CHST4: variants seen among roughly 807,000 people sequenced by gnomAD.
The protein encoded by CHST4 is GST-3.
For synonymous variants in CHST4, 171 were observed against 195.5 expected (o/e 0.87, Z 1.05); for missense variants, 466 against 506.0 (o/e 0.92, Z 0.76).
chr16:71,538,072 T>C lies in CHST4; in HGVS notation c.*234T>C, dbSNP rs1243592830. ...CACATCCCACCAGTGAAACAGGGTA[T>C]TGCTCTTCTTCTTTTCTTGATCTTC... On this transcript the variant is annotated 3_prime_UTR_variant, in exon 2 of 2. Transcript: ENST00000539698. 1 of 558,026 alleles carries C rather than the reference T, an allele frequency of 1.8e-6. No homozygotes were observed. The highest frequency in any genetic ancestry group is 1.9e-5 in the African/African-American group (1 of 53,048). The allele number at this position is 558,026 out of a possible 1,614,324, so 34.6% of individuals were successfully genotyped here. A position where few individuals can be genotyped will look rare whatever the true frequency, so the allele number is the denominator to read the frequency against.
intron 1 of CHST4, among the ~76,000 whole-genome samples, chr16:71,533,024 AT>A (rs1021633470): frequency 5.9e-5 from 9 of 151,920 alleles, no homozygotes; most frequent in South Asian, 2.1e-4. Flanking sequence ...ATAACTTGAA[AT>A]TTTTTTTTGA....
chr16:71,532,233 G>A (rs943272148), intron 1 of CHST4, among the ~76,000 whole-genome samples: 4 of 152,014 alleles, frequency 2.6e-5, no homozygotes, highest in African/African-American at 9.7e-5. Context: ...ATTTTTAGTA[G>A]AGACGGGGTT....
intron 1 of CHST4, among the ~76,000 whole-genome samples, chr16:71,532,075 T>G (rs1597035947): frequency 7.6e-6 from 1 of 132,102 alleles, no homozygotes; most frequent in Non-Finnish European, 1.6e-5. Context: ...TGAGATGGAG[T>G]CTCGCTCTGT....
chr16:71,528,249 CAAAAAAAAA>C (rs10716662), intron 1 of CHST4, among the ~76,000 whole-genome samples: 4 of 109,322 alleles, frequency 3.7e-5, no homozygotes, highest in African/African-American at 7.3e-5. Flanking sequence ...GACTTCATTT[CAAAAAAAAA>C]AAAAAAAAAA....
At chr16:71,535,484 A>AT (rs1267733485) in intron 1 of CHST4, among the ~76,000 whole-genome samples, 2 of 152,134 alleles carry the variant, frequency 1.3e-5, no homozygotes, top group Admixed American at 1.3e-4. Context: ...TAATATACTT[A>AT]TTTTGTTGGA....
chr16:71,535,338 A>G (rs2043979633), intron 1 of CHST4, among the ~76,000 whole-genome samples: 1 of 151,984 alleles, frequency 6.6e-6, no homozygotes, highest in South Asian at 2.1e-4. Context: ...ACACTCAGCT[A>G]ATTTTTGCAT....
At chr16:71,532,479 A>T (rs555956121) in intron 1 of CHST4, among the ~76,000 whole-genome samples, 7 of 152,312 alleles carry the variant, frequency 4.6e-5, no homozygotes, top group African/African-American at 1.4e-4. Context: ...TTTTTGGCAC[A>T]TCCAGAGGAA....
chr16:71,526,305 C>G (rs144100912), upstream of CHST4: 1 of 152,346 alleles, frequency 6.6e-6, no homozygotes, highest in Admixed American at 6.5e-5. Flanking sequence ...TCAAGCCCGT[C>G]TTGCAAGGTG....
Position 71,537,021 on chromosome 16 carries a change from C to G in CHST4, c.344C>G (p.Pro115Arg). 6.2e-7 allele frequency: 1 copy of G among 1,614,126 alleles called. No homozygotes were observed. The highest frequency in any genetic ancestry group is 8.5e-7 in the Non-Finnish European group (1 of 1,180,012). ...DMSVFDAYME[P>R]GPRRQSSLFQ... Reference sequence around the variant, plus strand: ...AGCGTCTTTGATGCCTACATGGAACCTGGTCCCCGGAGACAGTCCAGCCTC... The same window carrying G: ...AGCGTCTTTGATGCCTACATGGAACGTGGTCCCCGGAGACAGTCCAGCCTC... The change falls in exon 2 of 2, where the codon CCT (proline) becomes CGT (arginine). Residue 115 changes from proline (P) to arginine (R), a missense_variant. Coordinates refer to ENST00000539698, the MANE Select transcript of CHST4 (RefSeq NM_001166395.2). This position sits in a 1 kb window ranked among gnomAD's most constrained non-coding sequence, Gnocchi z 4.2.
At chr16:71,526,996 C>T (rs1023483084) in intron 1 of CHST4, among the ~76,000 whole-genome samples, 2 of 152,096 alleles carry the variant, frequency 1.3e-5, no homozygotes, top group Middle Eastern at 3.2e-3. Context: ...CTATTTATAC[C>T]GGATGAGCCA....
intron 1 of CHST4, among the ~76,000 whole-genome samples, chr16:71,528,375 T>TAA (rs113485563): frequency 1.4e-5 from 2 of 146,260 alleles, no homozygotes; most frequent in Non-Finnish European, 1.5e-5. Flanking sequence ...TCTCATATAG[T>TAA]AAAAAAAAAA....
Position 71,537,466 on chromosome 16 carries a change from GC to G in CHST4, c.792del (p.Lys265ArgfsTer90). 6.2e-7 allele frequency: 1 copy of G among 1,614,158 alleles called. No homozygotes were observed. Among genetic ancestry groups the G allele is most frequent in the East Asian group, 2.2e-5 (1 of 44,870 alleles). On this transcript the variant is annotated frameshift_variant, in exon 2 of 2. Coordinates refer to ENST00000539698, the MANE Select transcript of CHST4 (RefSeq NM_001166395.2). LOFTEE classifies it low-confidence loss of function (END_TRUNC). The surrounding 1 kb of genome is among the most constrained non-coding windows in gnomAD (Gnocchi z 4.2). ...AGATCTACAAGACCATCCAGTCCTT[GC>G]CCAAGGCCCTGCAGGAACGCTACCT... ...LEIYKTIQSL[P>X]KALQERYLLV...
rs1168597949 is a variant in CHST4, at chr16:71,536,644, T to G, written c.-18-16T>G. 7 of 1,385,600 alleles carry G rather than the reference T, an allele frequency of 5.1e-6. No individual in the cohort carries two copies. Among genetic ancestry groups the G allele is most frequent in the African/African-American group, 1.5e-5 (1 of 68,684 alleles). The allele number at this position is 1,385,600 out of a possible 1,614,324, so 85.8% of individuals were successfully genotyped here. On this transcript the variant is annotated splice_polypyrimidine_tract_variant and intron_variant, in intron 1 of 1. Transcript: ENST00000539698. ...AACAGCAGCCCAACTCCACCCTTTCTGTTTGTTCCTTAAAGGTCTTCCACT... is the reference window on the plus strand; with the variant it reads ...AACAGCAGCCCAACTCCACCCTTTCGGTTTGTTCCTTAAAGGTCTTCCACT...
Position 71,536,798 on chromosome 16 carries a change from G to T in CHST4, c.121G>T (p.Glu41Ter). 1 of 1,526,656 alleles carries T rather than the reference G, an allele frequency of 6.6e-7. No homozygotes were observed. The highest frequency in any genetic ancestry group is 1.3e-5 in the South Asian group (1 of 75,994). 94.6% of individuals were successfully genotyped at this position (1,526,656 alleles called of 1,614,324 possible). A position where few individuals can be genotyped will look rare whatever the true frequency, so the allele number is the denominator to read the frequency against. Residue 41 changes from glutamate to a stop codon, truncating the protein, a stop_gained, in exon 2 of 2, where the codon GAG (glutamate) becomes TAG (stop). Coordinates refer to ENST00000539698, the MANE Select transcript of CHST4 (RefSeq NM_001166395.2). LOFTEE classifies it low-confidence loss of function (END_TRUNC). Reference protein sequence around the residue: ...ISSLSMKAQPERMHVLVLSSW... With the variant: ...ISSLSMKAQP ...CTCCCTGTCTATGAAGGCACAGCCCGAGCGCATGCACGTGCTGGTTCTGTC... is the reference window on the plus strand; with the variant it reads ...CTCCCTGTCTATGAAGGCACAGCCCTAGCGCATGCACGTGCTGGTTCTGTC...
In CHST4 at chr16:71,537,558, T is replaced by C; in HGVS notation, c.881T>C (p.Val294Ala). Reference protein sequence around the residue: ...VAQTSRMYEFVGLEFLPHLQT... With the variant: ...VAQTSRMYEFAGLEFLPHLQT... ...CAGACTTCCCGAATGTATGAATTCG[T>C]GGGATTGGAATTCTTGCCCCATCTT... The change falls in exon 2 of 2, where the codon GTG (valine) becomes GCG (alanine). Residue 294 changes from valine (V) to alanine (A), a missense_variant. By Grantham distance (64) the Val-to-Ala change is moderately conservative. Transcript: ENST00000539698. This position sits in a 1 kb window ranked among gnomAD's most constrained non-coding sequence, Gnocchi z 4.2. 6.2e-7 allele frequency: 1 copy of C among 1,614,112 alleles called. No individual in the cohort carries two copies.
chr16:71,534,472 C>T (rs1258298253), intron 1 of CHST4, among the ~76,000 whole-genome samples: 2 of 151,640 alleles, frequency 1.3e-5, no homozygotes, highest in African/African-American at 2.4e-5. Context: ...ATTCTCCTAC[C>T]TCAGCCTCCC....
chr16:71,527,778 C>T (rs2043919443), intron 1 of CHST4, among the ~76,000 whole-genome samples: 1 of 151,866 alleles, frequency 6.6e-6, no homozygotes. Flanking sequence ...AAGTACGGGT[C>T]TGTCGCCCAG....
At chr16:71,528,574 T>C (rs2043924638) in intron 1 of CHST4, among the ~76,000 whole-genome samples, 1 of 152,224 alleles carries the variant, frequency 6.6e-6, no homozygotes, top group Middle Eastern at 3.4e-3. Flanking sequence ...CTTCAGAGGT[T>C]TTCCAGGTCT....
rs550179004 is a variant in CHST4 at position 71,538,090 on chromosome 16, T to C, written c.*252T>C. 5.8e-6 allele frequency: 3 copies of C among 520,892 alleles called. No individual in the cohort carries two copies. In the South Asian group the frequency reaches 9.1e-5, roughly 16 times the overall value. The allele number at this position is 520,892 out of a possible 1,614,324, so 32.3% of individuals were successfully genotyped here. A position where few individuals can be genotyped will look rare whatever the true frequency, so the allele number is the denominator to read the frequency against. ...CAGGGTATTGCTCTTCTTCTTTTCT[T>C]GATCTTCCTGTCTGGGCAGACTTCA... On this transcript the variant is annotated 3_prime_UTR_variant, in exon 2 of 2. Coordinates refer to ENST00000539698, the MANE Select transcript of CHST4 (RefSeq NM_001166395.2).
Sources: allele counts gnomAD v4.1 joint callset (sites outside exome capture counted in the v4.1 genomes callset), GRCh38; gene constraint gnomAD v4.1.1; non-coding constraint Gnocchi (gnomAD v3.1); transcripts MANE v1.5; gene names NCBI Gene and HGNC (gene_info 2026-07-23, HGNC 2026-07-21).